Variants in LRPPRC observed in about 807,000 individuals in gnomAD.
LRPPRC encodes the protein leucine rich pentatricopeptide repeat containing, also known as leucine-rich PPR motif-containing protein, mitochondrial.
In LRPPRC, 120 loss-of-function variants were observed where a neutral mutation model predicts 180.3. The observed-to-expected ratio is 0.67, with a 90% confidence interval of 0.57 to 0.77. LRPPRC has a LOEUF of 0.77. LRPPRC is among the 30% of genes least tolerant of loss of function. The pLI, the probability that LRPPRC is intolerant of heterozygous loss-of-function variation, is 0.00. For synonymous variants in LRPPRC, 723 were observed against 600.0 expected, an observed-to-expected ratio of 1.21 and a Z score of -3.00; for missense variants, 2,012 against 1,657.2, an observed-to-expected ratio of 1.21 and a Z score of -3.72.
intron 14 of LRPPRC, among the ~76,000 whole-genome samples, chr2:43,954,856 A>T (rs1340633198): frequency 6.6e-6 from 1 of 152,190 alleles, no homozygotes; most frequent in Non-Finnish European, 1.5e-5. Context: ...TCAGTAGACC[A>T]AGAGATGTTC....
At chr2:43,912,695 A>G (rs1671308479) in intron 29 of LRPPRC, 137 bp from the exon 30 acceptor site, 10 of 652,624 alleles carry the variant, frequency 1.5e-5, no homozygotes, top group Non-Finnish European at 2.5e-5. Flanking sequence ...CACTCTATAG[A>G]GAGACACACT....
chr2:43,973,905 G>C lies in LRPPRC; in HGVS notation c.1156-5C>G, dbSNP rs556523845. On this transcript the variant is annotated splice_region_variant and splice_polypyrimidine_tract_variant and intron_variant, in intron 9 of 37. Coordinates refer to ENST00000260665, the MANE Select transcript of LRPPRC (RefSeq NM_133259.4). ...GTCTGTTAGCTTCTCCACAGGCTGT[G>C]GGAAAAAAGTCACCACATTAGCTGG... The C allele has an allele frequency of 6.5e-7, 1 of 1,549,648 alleles. No homozygotes were observed. Among genetic ancestry groups the C allele is most frequent in the Non-Finnish European group, 8.9e-7 (1 of 1,121,614 alleles).
chr2:43,947,657 A>G lies in LRPPRC; in HGVS notation c.1965+74T>C, dbSNP rs528132388. ...AAAAATGTGAGGAATCACTGGTTTT[A>G]TAAGTACACAATCCAGAATACTCAT... On this transcript the variant is annotated intron_variant, in intron 19 of 37. Coordinates refer to ENST00000260665, the MANE Select transcript of LRPPRC (RefSeq NM_133259.4). 26 of 925,064 alleles carry G rather than the reference A, an allele frequency of 2.8e-5. No homozygotes were observed. The Admixed American group carries it at 4.2e-4, about 15-fold the overall frequency. 57.3% of individuals were successfully genotyped at this position (925,064 alleles called of 1,614,324 possible).
At chr2:43,929,847 T>C (rs1672021253) in intron 25 of LRPPRC, among the ~76,000 whole-genome samples, 1 of 152,112 alleles carries the variant, frequency 6.6e-6, no homozygotes, top group Non-Finnish European at 1.5e-5. Flanking sequence ...TAAAAAATTA[T>C]CCACTTGACC....
chr2:43,945,985 AAC>A, intron 21 of LRPPRC, 126 bp downstream of exon 21: 1 of 1,005,012 alleles, frequency 1.0e-6, no homozygotes, highest in East Asian at 2.5e-5. Context: ...AAATTTCAAA[AAC>A]ACTGACAACA....
At chr2:43,961,047 T>C (rs1454472251) in intron 12 of LRPPRC, among the ~76,000 whole-genome samples, 6 of 152,336 alleles carry the variant, frequency 3.9e-5, no homozygotes, top group Admixed American at 3.3e-4. Flanking sequence ...AATTTAAATA[T>C]ATGAGTCAAA....
intron 23 of LRPPRC, among the ~76,000 whole-genome samples, chr2:43,941,090 T>G (rs1204954516): frequency 6.6e-6 from 1 of 152,194 alleles, no homozygotes; most frequent in Non-Finnish European, 1.5e-5. Context: ...TTTCTAAATC[T>G]GTTATTGTTT....
chr2:43,920,361 C>G (rs984929424), intron 27 of LRPPRC, among the ~76,000 whole-genome samples: 1 of 152,126 alleles, frequency 6.6e-6, no homozygotes, highest in African/African-American at 2.4e-5. Flanking sequence ...GTCTTGAACC[C>G]CTGACCTCAA....
chr2:43,945,742 G>T (rs1672656941), intron 21 of LRPPRC, among the ~76,000 whole-genome samples: 1 of 151,952 alleles, frequency 6.6e-6, no homozygotes, highest in African/African-American at 2.4e-5. Flanking sequence ...AAATCTAACA[G>T]GATAGGAAGC....
At chr2:43,984,504 G>C (rs939709676) in intron 1 of LRPPRC, among the ~76,000 whole-genome samples, 1 of 152,110 alleles carries the variant, frequency 6.6e-6, no homozygotes, top group Non-Finnish European at 1.5e-5. Flanking sequence ...TCATAAGTGT[G>C]CTTGGATTTA....
At chr2:43,965,916 A>AG (rs1673536119) in intron 11 of LRPPRC, among the ~76,000 whole-genome samples, 1 of 152,200 alleles carries the variant, frequency 6.6e-6, no homozygotes. Flanking sequence ...TGTTGGTGGG[A>AG]GAGTATGGAG....
At chr2:43,924,306 T>C (rs923910737) in intron 27 of LRPPRC, among the ~76,000 whole-genome samples, 1 of 152,132 alleles carries the variant, frequency 6.6e-6, no homozygotes, top group African/African-American at 2.4e-5. Flanking sequence ...AAGCTCCAAA[T>C]GTGTACACTA....
chr2:43,975,124 A>G lies in LRPPRC; in HGVS notation c.831T>C (p.Tyr277=), dbSNP rs754357947. The G allele has an allele frequency of 3.7e-6, 6 of 1,613,446 alleles. No individual in the cohort carries two copies. The Admixed American group carries it at 5.0e-5, about 13-fold the overall frequency. The change falls in exon 7 of 38, where the codon TAT becomes TAC. Residue 277 remains tyrosine (Y), a synonymous_variant. Transcript: ENST00000260665. ...CATGGTCAATGTCGCCCTTCTCAGCATATGCATTCAATAATGCGAGGTATG... is the reference window on the plus strand; with the variant it reads ...CATGGTCAATGTCGCCCTTCTCAGCGTATGCATTCAATAATGCGAGGTATG... ...PDTYLALLNA[Y]AEKGDIDHVK... is the part of the protein sequence containing the mutation.
intron 26 of LRPPRC, 44 bp from the exon 27 acceptor site, chr2:43,925,201 T>A (rs762899988): frequency 1.0e-6 from 1 of 985,678 alleles, no homozygotes; most frequent in Non-Finnish European, 1.6e-6. Flanking sequence ...GTGTAAAGGA[T>A]GTATTTTACA....
At chr2:43,907,543 T>C (rs1159201546) in intron 30 of LRPPRC, among the ~76,000 whole-genome samples, 1 of 150,966 alleles carries the variant, frequency 6.6e-6, no homozygotes, top group East Asian at 1.9e-4. Flanking sequence ...CTATTGGCTG[T>C]CCAATAGGGT....
At chr2:43,974,908 C>T in intron 7 of LRPPRC, 150 bp from the exon 8 acceptor site, 1 of 949,160 alleles carries the variant, frequency 1.1e-6, no homozygotes, top group South Asian at 1.4e-5. Context: ...TACTCTACTT[C>T]AACAGTAACT....
chr2:43,943,961 C>A, intron 22 of LRPPRC, 67 bp from the exon 23 acceptor site: 1 of 1,132,342 alleles, frequency 8.8e-7, no homozygotes, highest in Non-Finnish European at 1.3e-6. Flanking sequence ...GCTATTAAAA[C>A]AGCATTTCAA....
intron 6 of LRPPRC, 123 bp from the exon 7 acceptor site, chr2:43,975,340 A>C (rs748001841): frequency 1.3e-6 from 1 of 747,952 alleles, no homozygotes; most frequent in Non-Finnish European, 2.3e-6. Context: ...ATGATGTCAG[A>C]AAAGAACTAA....
rs1259010706 is a variant in LRPPRC, at chr2:43,950,492, G to A, written c.1677+81C>T. ...GTAGAAAACCAAATATAGGTTTCAT[G>A]ATAAAAATTATTACATAACCTATGG... On this transcript the variant is annotated intron_variant, in intron 15 of 37. Coordinates refer to ENST00000260665, the MANE Select transcript of LRPPRC (RefSeq NM_133259.4). 1.2e-5 allele frequency: 15 copies of A among 1,254,160 alleles called. 1 individual carries two copies. The highest frequency in any genetic ancestry group is 9.3e-5 in the East Asian group (4 of 43,204). 77.7% of individuals were successfully genotyped at this position (1,254,160 alleles called of 1,614,324 possible). A position where few individuals can be genotyped will look rare whatever the true frequency, so the allele number is the denominator to read the frequency against.
Sources: gnomAD v4.1 joint callset for allele counts (sites outside exome capture counted in the v4.1 genomes callset) on GRCh38, gnomAD v4.1.1 for gene constraint, MANE v1.5 for transcripts, NCBI Gene and HGNC (gene_info 2026-07-23, HGNC 2026-07-21) for gene names.